Variants in STAG1 observed in about 807,000 individuals in gnomAD.
The protein encoded by STAG1 is cohesin subunit SA-1.
A neutral mutation model predicts 170.9 loss-of-function variants in STAG1; 26 were observed. That is an observed-to-expected ratio of 0.15 (90% CI 0.11 to 0.21). The LOEUF is 0.21. Ranked by LOEUF, STAG1 falls within the 10% of genes least tolerant of loss-of-function variation. STAG1 has a pLI of 1.00. For missense variants in STAG1, 964 were observed against 1,509.5 expected (o/e 0.64, Z 5.99); for synonymous variants, 514 against 497.7 (o/e 1.03, Z -0.44).
chr3:136,571,964 C>T (rs1014549272), intron 4 of STAG1, among the ~76,000 whole-genome samples: 1 of 152,154 alleles, frequency 6.6e-6, no homozygotes. Context: ...GGGTGGCTCA[C>T]TTGAGGTCAG....
chr3:136,433,429 C>A, intron 16 of STAG1, 127 bp downstream of exon 16: 1 of 704,386 alleles, frequency 1.4e-6, no homozygotes, highest in Non-Finnish European at 2.4e-6. Context: ...AGATGAAGCA[C>A]CATAGTCCAT....
intron 1 of STAG1, among the ~76,000 whole-genome samples, chr3:136,740,910 G>C (rs1358679791): frequency 6.6e-6 from 1 of 152,218 alleles, no homozygotes; most frequent in Non-Finnish European, 1.5e-5. Flanking sequence ...AAGCTGGAAA[G>C]CTAGGTTGTA....
chr3:136,401,287 C>A (rs1221439357), intron 21 of STAG1, among the ~76,000 whole-genome samples: 2 of 152,126 alleles, frequency 1.3e-5, no homozygotes, highest in Non-Finnish European at 2.9e-5. Flanking sequence ...GGTAAAAAAC[C>A]TATCCAAATT....
chr3:136,574,461 T>C (rs1237575235), intron 4 of STAG1, among the ~76,000 whole-genome samples: 1 of 151,956 alleles, frequency 6.6e-6, no homozygotes, highest in Non-Finnish European at 1.5e-5. Context: ...TATATACACA[T>C]ACATACACAC....
At chr3:136,739,824 C>CA (rs1033820995) in intron 1 of STAG1, among the ~76,000 whole-genome samples, 4 of 151,132 alleles carry the variant, frequency 2.6e-5, no homozygotes, top group African/African-American at 4.9e-5. Flanking sequence ...GACTTCATCT[C>CA]AAAAAAAATA....
chr3:136,344,407 G>A (rs531274788), intron 29 of STAG1, among the ~76,000 whole-genome samples: 1 of 152,154 alleles, frequency 6.6e-6, no homozygotes, highest in South Asian at 2.1e-4. Flanking sequence ...CCTGGGCCTC[G>A]TAGGGGTCCC....
At chr3:136,516,357 A>T (rs368506398) in intron 7 of STAG1, among the ~76,000 whole-genome samples, 1 of 152,056 alleles carries the variant, frequency 6.6e-6, no homozygotes, top group East Asian at 1.9e-4. Flanking sequence ...ACTACAAAAA[A>T]ATTAGCCGGA....
At chr3:136,751,811 G>C (rs543419772) in intron 1 of STAG1, among the ~76,000 whole-genome samples, 9 of 151,084 alleles carry the variant, frequency 6.0e-5, no homozygotes, top group East Asian at 1.9e-4. Context: ...GCCCGGGCGG[G>C]GGGGGGCGGA....
At position 136,431,798 on chromosome 3, in the gene STAG1, C is replaced by T. The variant is rs2088310950; in HGVS notation, c.1650+1758G>A. The stretch of plus-strand genomic sequence containing the variant: ...AAGCTAACTGTTAATACTATTGCTA[C>T]TGCCCTCTACATTAGTTGTTGATCT... On this transcript the variant is annotated intron_variant, in intron 16 of 33. Transcript: ENST00000383202. Among the ~76,000 whole-genome samples the T allele has an allele frequency of 2.6e-5, 4 of 151,962 alleles. No homozygotes were observed. The South Asian group carries it at 8.3e-4, about 32-fold the overall frequency.
intron 10 of STAG1, among the ~76,000 whole-genome samples, chr3:136,476,825 G>T (rs1457903270): frequency 3.3e-5 from 5 of 151,812 alleles, no homozygotes; most frequent in African/African-American, 1.2e-4. Flanking sequence ...CTTATATGAG[G>T]GATTCCTTTT....
At chr3:136,351,547 A>G (rs115344963) in intron 28 of STAG1, among the ~76,000 whole-genome samples, 155 of 152,320 alleles carry the variant, frequency 1.0e-3, no homozygotes, top group African/African-American at 3.6e-3. Flanking sequence ...CCCAAGCCAC[A>G]TACGGATCTA....
At chr3:136,646,130 G>A (rs1941002502) in intron 1 of STAG1, among the ~76,000 whole-genome samples, 1 of 152,066 alleles carries the variant, frequency 6.6e-6, no homozygotes, top group African/African-American at 2.4e-5. Context: ...TCCTTTCACT[G>A]TCTACGTGTC....
chr3:136,356,407 TC>T, intron 28 of STAG1, among the ~76,000 whole-genome samples: 1 of 152,098 alleles, frequency 6.6e-6, no homozygotes, highest in Non-Finnish European at 1.5e-5. Flanking sequence ...TGACACAGGC[TC>T]CCCAGGCTGT....
At chr3:136,478,610 G>A (rs1375538862) in intron 9 of STAG1, among the ~76,000 whole-genome samples, 1 of 152,082 alleles carries the variant, frequency 6.6e-6, no homozygotes, top group Non-Finnish European at 1.5e-5. Context: ...AAATTTTAAT[G>A]ATAATTAAGG....
At chr3:136,437,394 C>G (rs904295896) in intron 15 of STAG1, among the ~76,000 whole-genome samples, 8 of 150,092 alleles carry the variant, frequency 5.3e-5, no homozygotes, top group African/African-American at 1.9e-4. Flanking sequence ...TGAAAGCAAA[C>G]AAGCCTTAAG....
At chr3:136,738,523 C>T (rs1041974825) in intron 1 of STAG1, among the ~76,000 whole-genome samples, 10 of 152,192 alleles carry the variant, frequency 6.6e-5, no homozygotes, top group East Asian at 1.9e-4. Context: ...CGGTGGCACG[C>T]GCCTGAGGTC....
At chr3:136,724,600 TAA>T (rs58430366) in intron 1 of STAG1, among the ~76,000 whole-genome samples, 28 of 104,620 alleles carry the variant, frequency 2.7e-4, no homozygotes, top group Admixed American at 6.6e-4. Flanking sequence ...GAATGATCAA[TAA>T]AAAAAAAAAA....
intron 5 of STAG1, among the ~76,000 whole-genome samples, chr3:136,563,952 G>A (rs557873621): frequency 2.4e-4 from 37 of 152,074 alleles, no homozygotes; most frequent in South Asian, 6.2e-4. Flanking sequence ...GAACCCAGGC[G>A]GCGGAGGTTG....
chr3:136,578,644 C>G (rs1423070532), intron 4 of STAG1, among the ~76,000 whole-genome samples: 1 of 152,190 alleles, frequency 6.6e-6, no homozygotes, highest in East Asian at 1.9e-4. Flanking sequence ...ATATCCAGAC[C>G]TTTCATGTAT....
Sources: gnomAD v4.1 joint callset for allele counts (sites outside exome capture counted in the v4.1 genomes callset) on GRCh38, gnomAD v4.1.1 for gene constraint, MANE v1.5 for transcripts, NCBI Gene and HGNC (gene_info 2026-07-23, HGNC 2026-07-21) for gene names.